CLYBL: variants seen among roughly 807,000 people sequenced by gnomAD.
CLYBL encodes the protein citramalyl-CoA lyase, mitochondrial.
A neutral mutation model predicts 38.9 loss-of-function variants in CLYBL; 31 were observed. The ratio of observed to expected loss-of-function variants is 0.80; its 90% CI spans 0.60 to 1.08. The LOEUF is 1.08. Ranked by LOEUF, CLYBL falls within the 50% of genes least tolerant of loss-of-function variation. The pLI is 0.00. For missense variants in CLYBL, 434 were observed against 411.6 expected, an observed-to-expected ratio of 1.05 and a Z score of -0.47; for synonymous variants, 171 against 158.6, an observed-to-expected ratio of 1.08 and a Z score of -0.59.
exon 10 of CLYBL, among the ~76,000 whole-genome samples, chr13:99,908,632 G>A (rs1347969202): frequency 6.6e-6 from 1 of 152,180 alleles, no homozygotes; most frequent in Admixed American, 6.5e-5. Context: ...ACACAGTGTG[G>A]TAGGGAGGGA....
intron 6 of CLYBL, among the ~76,000 whole-genome samples, chr13:99,870,271 A>C (rs1454555427): frequency 6.6e-6 from 1 of 152,172 alleles, no homozygotes; most frequent in Non-Finnish European, 1.5e-5. Context: ...CTAAGGCTGC[A>C]GTGTTCAAAT....
intron 1 of CLYBL, among the ~76,000 whole-genome samples, chr13:99,682,019 A>C (rs1254949244): frequency 6.6e-6 from 1 of 152,190 alleles, no homozygotes; most frequent in Non-Finnish European, 1.5e-5. Flanking sequence ...ACAAACCTAG[A>C]TGTTACAACC....
At chr13:99,793,097 T>C (rs1330491966) in intron 2 of CLYBL, among the ~76,000 whole-genome samples, 3 of 151,358 alleles carry the variant, frequency 2.0e-5, no homozygotes, top group Non-Finnish European at 2.9e-5. Flanking sequence ...GCCCCATTTA[T>C]GCTTACATAG....
chr13:99,681,353 A>C (rs935302306), intron 1 of CLYBL, among the ~76,000 whole-genome samples: 5 of 152,298 alleles, frequency 3.3e-5, no homozygotes, highest in African/African-American at 1.2e-4. Context: ...AATGAATATA[A>C]CTTACAGATG....
intron 2 of CLYBL, among the ~76,000 whole-genome samples, chr13:99,824,257 G>GCA (rs66867477): frequency 1.8e-4 from 24 of 130,512 alleles, no homozygotes; most frequent in African/African-American, 6.1e-4. Flanking sequence ...CTGACTAATA[G>GCA]CCCCCCCCAC....
intron 1 of CLYBL, among the ~76,000 whole-genome samples, chr13:99,669,169 T>C (rs900618016): frequency 1.3e-5 from 2 of 152,000 alleles, no homozygotes; most frequent in Non-Finnish European, 2.9e-5. Flanking sequence ...GCCCAGCTAA[T>C]TTTTTTGTAT....
At chr13:99,817,839 C>T (rs2050491572) in intron 2 of CLYBL, among the ~76,000 whole-genome samples, 2 of 151,654 alleles carry the variant, frequency 1.3e-5, no homozygotes, top group Non-Finnish European at 2.9e-5. Flanking sequence ...CCCATATCTA[C>T]AAAAAAATTT....
chr13:99,719,278 G>A (rs2048361864), intron 1 of CLYBL, among the ~76,000 whole-genome samples: 1 of 150,800 alleles, frequency 6.6e-6, no homozygotes. Flanking sequence ...CTGAGTAGCT[G>A]AGACTACAGG....
At chr13:99,874,405 A>G (rs1019713860) in intron 7 of CLYBL, among the ~76,000 whole-genome samples, 10 of 152,216 alleles carry the variant, frequency 6.6e-5, no homozygotes, top group Non-Finnish European at 1.2e-4. Context: ...TTTTAAATTT[A>G]TAAAGGATTT....
intron 2 of CLYBL, among the ~76,000 whole-genome samples, chr13:99,815,856 G>A (rs1474189130): frequency 6.6e-6 from 1 of 152,152 alleles, no homozygotes; most frequent in Non-Finnish European, 1.5e-5. Flanking sequence ...CAGCCTGGGT[G>A]ACGGGGAGTG....
intron 7 of CLYBL, among the ~76,000 whole-genome samples, chr13:99,880,513 T>C (rs1195028222): frequency 6.6e-6 from 1 of 152,200 alleles, no homozygotes; most frequent in African/African-American, 2.4e-5. Flanking sequence ...GGATTCAAAG[T>C]CAGGTGTAAT....
intron 2 of CLYBL, among the ~76,000 whole-genome samples, chr13:99,815,637 A>G (rs972131161): frequency 1.4e-4 from 22 of 152,100 alleles, no homozygotes; most frequent in Non-Finnish European, 2.9e-4. Flanking sequence ...TGTAATCCCA[A>G]TACTTTGGGA....
chr13:99,840,177 C>CA (rs2051036284), intron 2 of CLYBL, among the ~76,000 whole-genome samples: 1 of 151,648 alleles, frequency 6.6e-6, no homozygotes, highest in Non-Finnish European at 1.5e-5. Context: ...TCAGAGACAC[C>CA]AGGAGACCTC....
intron 2 of CLYBL, among the ~76,000 whole-genome samples, chr13:99,810,358 A>C (rs551435037): frequency 6.6e-6 from 1 of 152,352 alleles, no homozygotes; most frequent in East Asian, 1.9e-4. Context: ...TGGAAATGCC[A>C]TTTGAACTAG....
In CLYBL at chr13:99,700,152, G is replaced by A. The variant is rs370134523; in HGVS notation, c.63-72672G>A. Among the ~76,000 whole-genome samples, 43 of 151,742 alleles carry A rather than the reference G, an allele frequency of 2.8e-4. 2 individuals carry two copies. In the South Asian group the frequency reaches 7.1e-3, roughly 25 times the overall value. On this transcript the variant is annotated intron_variant, in intron 1 of 8. Transcript: ENST00000339105. Reference sequence around the variant, plus strand: ...GAAGGGCAACAACAAACACACCCACGGTGTAAAAACAGCACCAAGGCCGGG... The same window carrying A: ...GAAGGGCAACAACAAACACACCCACAGTGTAAAAACAGCACCAAGGCCGGG...
At chr13:99,677,158 G>A (rs1431684770) in intron 1 of CLYBL, among the ~76,000 whole-genome samples, 3 of 152,106 alleles carry the variant, frequency 2.0e-5, no homozygotes, top group Non-Finnish European at 4.4e-5. Context: ...CTCAAAAAGG[G>A]CAGAGAATGA....
intron 1 of CLYBL, among the ~76,000 whole-genome samples, chr13:99,638,903 GA>G (rs779763608): frequency 6.6e-6 from 1 of 152,186 alleles, no homozygotes; most frequent in East Asian, 1.9e-4. Context: ...GCAGAAGGGG[GA>G]TAGAACTTCC....
chr13:99,676,186 G>GTCCTTCCTTCCTTCCTTCCTTCCT (rs35403713), intron 1 of CLYBL, among the ~76,000 whole-genome samples: 137 of 133,086 alleles, frequency 1.0e-3, no homozygotes, highest in Non-Finnish European at 1.4e-3. Flanking sequence ...CCCTCCGTCC[G>GTCCTTCCTTCCTTCCTTCCTTCCT]TCCTTCCTTC....
At chr13:99,637,575 A>G (rs530114370) in intron 1 of CLYBL, among the ~76,000 whole-genome samples, 2 of 152,284 alleles carry the variant, frequency 1.3e-5, no homozygotes, top group African/African-American at 4.8e-5. Flanking sequence ...AGCCTGGGCA[A>G]CATGGTGAAA....
Sources: allele counts gnomAD v4.1 joint callset (sites outside exome capture counted in the v4.1 genomes callset), GRCh38; gene constraint gnomAD v4.1.1; transcripts MANE v1.5; gene names NCBI Gene and HGNC (gene_info 2026-07-23, HGNC 2026-07-21).